ARID5B: variants seen among roughly 807,000 people sequenced by gnomAD.
The protein encoded by ARID5B is AT-rich interaction domain 5B.
ARID5B carries 13 observed loss-of-function variants against 97.2 expected under a neutral mutation model. The observed-to-expected ratio is 0.13, with a 90% CI of 0.09 to 0.21. The LOEUF (loss-of-function observed/expected upper bound fraction) is 0.21. Ranked by LOEUF, ARID5B falls within the 10% of genes least tolerant of loss-of-function variation. The probability of loss-of-function intolerance (pLI) is 1.00; values close to 1 mark genes in which losing one functional copy is unlikely to be tolerated. For synonymous variants in ARID5B, 556 were observed against 570.3 expected (o/e 0.97, Z 0.36); for missense variants, 1,210 against 1,465.3 (o/e 0.83, Z 2.84).
chr10:62,053,692 G>A (rs947263883), intron 5 of ARID5B, among the ~76,000 whole-genome samples: 6 of 152,064 alleles, frequency 3.9e-5, no homozygotes, highest in Non-Finnish European at 7.3e-5. Context: ...TTAATATCCC[G>A]TATGCATTTT....
chr10:62,022,448 G>C (rs145813622), intron 4 of ARID5B, among the ~76,000 whole-genome samples: 1 of 152,200 alleles, frequency 6.6e-6, no homozygotes, highest in African/African-American at 2.4e-5. Context: ...CACACCTTTC[G>C]CAGGAAAGAG....
chr10:62,044,805 G>C (rs530258365), intron 4 of ARID5B, among the ~76,000 whole-genome samples: 1 of 152,156 alleles, frequency 6.6e-6, no homozygotes, highest in Non-Finnish European at 1.5e-5. Context: ...TTAGAACGTC[G>C]CGCAGGATCA....
chr10:61,979,713 G>A (rs1838750854), intron 3 of ARID5B, among the ~76,000 whole-genome samples: 2 of 152,312 alleles, frequency 1.3e-5, no homozygotes, highest in African/African-American at 2.4e-5. Flanking sequence ...ACAGTGATTA[G>A]GGCCCATAGT....
intron 2 of ARID5B, among the ~76,000 whole-genome samples, chr10:61,930,049 G>T (rs1844176707): frequency 3.3e-5 from 5 of 152,192 alleles, no homozygotes; most frequent in Admixed American, 3.3e-4. Context: ...GGACCAAACA[G>T]TACAATGTAG....
chr10:61,954,013 C>T (rs1838358108), intron 3 of ARID5B, among the ~76,000 whole-genome samples: 1 of 152,054 alleles, frequency 6.6e-6, no homozygotes, highest in African/African-American at 2.4e-5. Context: ...GTTAAGTGAG[C>T]CATGATCCCA....
intron 9 of ARID5B, among the ~76,000 whole-genome samples, chr10:62,087,105 C>G (rs1840296368): frequency 6.6e-6 from 1 of 151,710 alleles, no homozygotes; most frequent in African/African-American, 2.4e-5. Flanking sequence ...CGAGAGCATC[C>G]TGGCTAATAC....
intron 8 of ARID5B, among the ~76,000 whole-genome samples, chr10:62,076,310 C>T (rs978529811): frequency 3.3e-5 from 5 of 152,078 alleles, no homozygotes; most frequent in Admixed American, 6.6e-5. Flanking sequence ...GAGGCCGAGG[C>T]GGGCAGATGA....
chr10:61,997,940 A>G (rs1387349350), intron 3 of ARID5B, among the ~76,000 whole-genome samples: 1 of 152,246 alleles, frequency 6.6e-6, no homozygotes, highest in Non-Finnish European at 1.5e-5. Flanking sequence ...TCAGATGGGC[A>G]TGCCTTGGGA....
intron 4 of ARID5B, among the ~76,000 whole-genome samples, chr10:62,012,727 A>C (rs1255204684): frequency 6.6e-6 from 1 of 152,162 alleles, no homozygotes; most frequent in Non-Finnish European, 1.5e-5. Flanking sequence ...ACTTTCATTT[A>C]CTTGAGAACA....
At chr10:61,906,647 A>T (rs1423540295) in intron 2 of ARID5B, among the ~76,000 whole-genome samples, 1 of 152,228 alleles carries the variant, frequency 6.6e-6, no homozygotes, top group South Asian at 2.1e-4. Flanking sequence ...TCTAGCATGC[A>T]TTCCAGATTT....
At chr10:61,925,886 C>T (rs1439525016) in intron 2 of ARID5B, among the ~76,000 whole-genome samples, 1 of 152,160 alleles carries the variant, frequency 6.6e-6, no homozygotes, top group African/African-American at 2.4e-5. Context: ...TTTAACAAAG[C>T]GTGCCTCAGA....
At position 62,000,836 on chromosome 10, in the gene ARID5B, GA is replaced by G. The variant is rs1839068806; in HGVS notation, c.733+516del. On this transcript the variant is annotated intron_variant, in intron 4 of 9. Coordinates refer to ENST00000279873, the MANE Select transcript of ARID5B (RefSeq NM_032199.3). The surrounding 1 kb of genome is among the most constrained non-coding windows in gnomAD (Gnocchi z 4.4). Reference sequence around the variant, plus strand: ...TAGATAGACACGTAGAGAGATGATAGATAGATAGATAGATAGATAGATAGAT... The same window carrying G: ...TAGATAGACACGTAGAGAGATGATAGTAGATAGATAGATAGATAGATAGAT... 9.0e-6 allele frequency among the ~76,000 whole-genome samples: 1 copy of G among 110,520 alleles called. No homozygotes were observed. The highest frequency in any genetic ancestry group is 2.0e-4 in the East Asian group (1 of 5,008). The allele number at this position is 110,520 out of a possible 152,430, so 72.5% of individuals were successfully genotyped here. A position where few individuals can be genotyped will look rare whatever the true frequency, so the allele number is the denominator to read the frequency against.
intron 3 of ARID5B, among the ~76,000 whole-genome samples, chr10:61,955,382 T>C (rs923225778): frequency 1.3e-5 from 2 of 152,212 alleles, no homozygotes; most frequent in Admixed American, 6.5e-5. Flanking sequence ...ATTTCATTAA[T>C]CAATGAAGTG....
chr10:61,927,650 T>G (rs1445501699), intron 2 of ARID5B, among the ~76,000 whole-genome samples: 2 of 152,172 alleles, frequency 1.3e-5, no homozygotes, highest in Non-Finnish European at 2.9e-5. Context: ...CAGCATCAAA[T>G]ACTAGTGCCT....
intron 3 of ARID5B, among the ~76,000 whole-genome samples, chr10:61,962,255 A>G (rs1339383489): frequency 6.6e-6 from 1 of 152,244 alleles, no homozygotes; most frequent in Non-Finnish European, 1.5e-5. Context: ...CCCTTGCCCA[A>G]GCACTGAGCT....
chr10:61,910,898 G>C (rs1445726166), intron 2 of ARID5B, among the ~76,000 whole-genome samples: 1 of 152,176 alleles, frequency 6.6e-6, no homozygotes, highest in Non-Finnish European at 1.5e-5. Context: ...AGTGGCGTGT[G>C]TCCTTGGCAT....
chr10:61,933,711 T>C (rs933981499), intron 2 of ARID5B, among the ~76,000 whole-genome samples: 8 of 152,232 alleles, frequency 5.3e-5, no homozygotes, highest in African/African-American at 1.9e-4. Context: ...AAATTTTCAG[T>C]AAACCCTGCT....
At chr10:61,968,494 T>C (rs1250587888) in intron 3 of ARID5B, among the ~76,000 whole-genome samples, 1 of 152,116 alleles carries the variant, frequency 6.6e-6, no homozygotes, top group Non-Finnish European at 1.5e-5. Context: ...CCTGTAACAA[T>C]CCCTGCAGAA....
At chr10:62,045,067 A>T (rs1839688780) in intron 4 of ARID5B, among the ~76,000 whole-genome samples, 1 of 152,206 alleles carries the variant, frequency 6.6e-6, no homozygotes, top group Non-Finnish European at 1.5e-5. Flanking sequence ...TCAGGGACTT[A>T]TTTATGAATT....
Sources: allele counts gnomAD v4.1 joint callset (sites outside exome capture counted in the v4.1 genomes callset), GRCh38; gene constraint gnomAD v4.1.1; non-coding constraint Gnocchi (gnomAD v3.1); transcripts MANE v1.5; gene names NCBI Gene and HGNC (gene_info 2026-07-23, HGNC 2026-07-21).